PHF24: variants seen among roughly 807,000 people sequenced by gnomAD.
PHF24 encodes the protein Galpha inhibitory interacting protein.
Under a neutral mutation model 42.6 loss-of-function variants are expected in PHF24, and 25 were observed. The ratio of observed to expected loss-of-function variants is 0.59; its 90% confidence interval spans 0.43 to 0.82. PHF24 has a LOEUF of 0.82. Ranked by LOEUF, PHF24 falls within the 40% of genes least tolerant of loss-of-function variation. The probability of loss-of-function intolerance (pLI) is 0.00; values close to 1 mark genes in which losing one functional copy is unlikely to be tolerated. For missense variants in PHF24, 470 were observed against 538.1 expected, an observed-to-expected ratio of 0.87 and a Z score of 1.25; for synonymous variants, 185 against 204.8, an observed-to-expected ratio of 0.90 and a Z score of 0.83.
the PHF24 span, chr9:34,729,572 T>A: frequency 1.3e-6 from 1 of 786,082 alleles, no homozygotes; most frequent in East Asian, 2.7e-5. Context: ...CACAAAGCCC[T>A]CCTGTTTCAT....
the PHF24 span, among the ~76,000 whole-genome samples, chr9:34,766,211 G>A: frequency 1.3e-5 from 2 of 152,108 alleles, no homozygotes; most frequent in African/African-American, 4.8e-5. Context: ...GTATCTTTGT[G>A]GTGTTCTCTG....
the PHF24 span, among the ~76,000 whole-genome samples, chr9:34,679,519 A>T: frequency 1.3e-5 from 2 of 152,214 alleles, no homozygotes; most frequent in Non-Finnish European, 2.9e-5. Flanking sequence ...GATCGAGACC[A>T]TCCTGGCCAA....
chr9:34,836,835 GTAAAA>G, the PHF24 span, among the ~76,000 whole-genome samples: 1 of 152,156 alleles, frequency 6.6e-6, no homozygotes, highest in African/African-American at 2.4e-5. Context: ...TAATGTACTA[GTAAAA>G]TCCTGAATTT....
At chr9:34,736,640 A>C in the PHF24 span, among the ~76,000 whole-genome samples, 1 of 152,244 alleles carries the variant, frequency 6.6e-6, no homozygotes, top group Admixed American at 6.5e-5. Context: ...ATACCAAGCT[A>C]AAAATCCAAG....
intron 1 of PHF24, among the ~76,000 whole-genome samples, chr9:34,967,808 A>G (rs1826832123): frequency 6.6e-6 from 1 of 152,212 alleles, no homozygotes; most frequent in African/African-American, 2.4e-5. Flanking sequence ...CACCCTGGCT[A>G]GATTCCCTCA....
chr9:34,781,972 C>A, the PHF24 span, among the ~76,000 whole-genome samples: 1 of 152,290 alleles, frequency 6.6e-6, no homozygotes, highest in African/African-American at 2.4e-5. Flanking sequence ...GAGAGAAGAA[C>A]CTCCTGAAAT....
At chr9:34,727,759 T>A in the PHF24 span, among the ~76,000 whole-genome samples, 1 of 152,228 alleles carries the variant, frequency 6.6e-6, no homozygotes, top group African/African-American at 2.4e-5. Context: ...CCATGTAATA[T>A]GTTTTATGAA....
chr9:34,723,932 A>C, the PHF24 span: 5 of 1,551,446 alleles, frequency 3.2e-6, no homozygotes, highest in Non-Finnish European at 4.4e-6. Flanking sequence ...AGCAAGATGA[A>C]AGCTACGGCT....
At chr9:34,691,029 C>G in the PHF24 span, 1 of 1,413,822 alleles carries the variant, frequency 7.1e-7, no homozygotes, top group African/African-American at 1.4e-5. Context: ...AATCTGAGAT[C>G]TAGACATTAC....
chr9:34,853,744 C>T, the PHF24 span, among the ~76,000 whole-genome samples: 2 of 147,158 alleles, frequency 1.4e-5, no homozygotes, highest in South Asian at 4.3e-4. Flanking sequence ...AGGAGAATGG[C>T]GTGAACCCGG....
At chr9:34,710,073 G>A in the PHF24 span, 4 of 1,612,974 alleles carry the variant, frequency 2.5e-6, no homozygotes, top group East Asian at 6.7e-5. Flanking sequence ...CCATGTCTGT[G>A]GTAGAGGGTG....
At chr9:34,704,354 AC>A in the PHF24 span, among the ~76,000 whole-genome samples, 1 of 152,032 alleles carries the variant, frequency 6.6e-6, no homozygotes, top group East Asian at 1.9e-4. Context: ...TACTAGTCCC[AC>A]CTATCCTCTA....
At chr9:34,774,335 CA>C in the PHF24 span, among the ~76,000 whole-genome samples, 1 of 152,076 alleles carries the variant, frequency 6.6e-6, no homozygotes, top group African/African-American at 2.4e-5. Context: ...AAAATACTTG[CA>C]AATCATATAT....
At chr9:34,676,274 A>G in the PHF24 span, among the ~76,000 whole-genome samples, 2 of 152,232 alleles carry the variant, frequency 1.3e-5, no homozygotes, top group African/African-American at 4.8e-5. Context: ...CTGTAATCCC[A>G]GCACTTTGGA....
the PHF24 span, among the ~76,000 whole-genome samples, chr9:34,809,960 G>A: frequency 6.7e-6 from 1 of 148,816 alleles, no homozygotes; most frequent in East Asian, 2.1e-4. This position sits in a 1 kb window ranked among gnomAD's most constrained non-coding sequence, Gnocchi z 4.1. Flanking sequence ...CGCAGCGCGC[G>A]CCCACCTGCC....
the PHF24 span, among the ~76,000 whole-genome samples, chr9:34,949,472 C>T: frequency 4.6e-5 from 7 of 152,230 alleles, no homozygotes; most frequent in Admixed American, 2.0e-4. Context: ...CAGAAATGCC[C>T]GTTTGACCCA....
the PHF24 span, chr9:34,710,043 G>T: frequency 4.3e-6 from 7 of 1,614,024 alleles, no homozygotes; most frequent in Non-Finnish European, 5.9e-6. Context: ...GGATAAGGAG[G>T]CTCAGAGCCA....
chr9:34,867,767 A>G, the PHF24 span, among the ~76,000 whole-genome samples: 3 of 152,152 alleles, frequency 2.0e-5, no homozygotes, highest in East Asian at 1.9e-4. Flanking sequence ...GTCAACTTCT[A>G]TGTTAGGTAT....
the PHF24 span, among the ~76,000 whole-genome samples, chr9:34,810,841 G>A: frequency 9.2e-5 from 14 of 152,272 alleles, no homozygotes; most frequent in African/African-American, 3.1e-4. Flanking sequence ...TTTAGTGGAG[G>A]TAGAAACTGC....
Sources: allele counts gnomAD v4.1 joint callset (sites outside exome capture counted in the v4.1 genomes callset), GRCh38; gene constraint gnomAD v4.1.1; non-coding constraint Gnocchi (gnomAD v3.1); transcripts MANE v1.5; gene names NCBI Gene and HGNC (gene_info 2026-07-23, HGNC 2026-07-21).